Variants in SLFN11 observed in about 807,000 individuals in gnomAD.
SLFN11 encodes schlafen family member 11.
In SLFN11, 43 loss-of-function variants were observed where a neutral mutation model predicts 53.4. The observed-to-expected ratio is 0.80, with a 90% confidence interval of 0.63 to 1.04. The LOEUF is 1.04. Ranked by LOEUF, SLFN11 falls within the 50% of genes least tolerant of loss-of-function variation. The pLI is 0.00. For synonymous variants in SLFN11, 389 were observed against 394.7 expected (o/e 0.99, Z 0.17); for missense variants, 990 against 1,079.1 (o/e 0.92, Z 1.16).
chr17:35,352,514 C>T lies in SLFN11; in HGVS notation c.2548G>A (p.Val850Met), dbSNP rs1189319387. 1 of 1,614,216 alleles carries T rather than the reference C, an allele frequency of 6.2e-7. No individual in the cohort carries two copies. Among genetic ancestry groups the T allele is most frequent in the Admixed American group, 1.7e-5 (1 of 60,030 alleles). Reference protein sequence around the residue: ...DACDMLGDHIVLDSVRRFSGL... With the variant: ...DACDMLGDHIMLDSVRRFSGL... Reference sequence around the variant, plus strand: ...GAGAATCGCCGAACACTGTCCAACACAATGTGATCACCCAACATATCACAT... The same window carrying T: ...GAGAATCGCCGAACACTGTCCAACATAATGTGATCACCCAACATATCACAT... Residue 850 changes from valine (V) to methionine (M), a missense_variant, in exon 7 of 7, where the codon GTG becomes ATG. Physicochemically the swap from Val to Met is conservative, Grantham distance 21. This residue lies in a region of SLFN11 where 313 missense variants were observed against 320.9 expected (regional missense o/e 0.98). Transcript: ENST00000685675.
At chr17:35,369,357 C>A (rs1909360503) in intron 1 of SLFN11, among the ~76,000 whole-genome samples, 1 of 152,060 alleles carries the variant, frequency 6.6e-6, no homozygotes. Context: ...GTGTTGGCCA[C>A]AGGGTCATCT....
Position 35,360,372 on chromosome 17 carries a change from C to G in SLFN11, c.1070-1G>C, listed in dbSNP as rs1908050322. On this transcript the variant is annotated splice_acceptor_variant, in intron 4 of 6. Coordinates refer to ENST00000685675, the MANE Select transcript of SLFN11 (RefSeq NM_001376007.1). LOFTEE classifies it high-confidence loss of function. The stretch of plus-strand genomic sequence containing the variant: ...AAATCTTCAGACAACTGTAGAAGAT[C>G]TTAAGAAAGAAAATTCATGTTATTC... 14 of 1,596,260 alleles carry G rather than the reference C, an allele frequency of 8.8e-6. No homozygotes were observed. The East Asian group carries it at 3.2e-4, about 36-fold the overall frequency.
In SLFN11 at chr17:35,353,437, G is replaced by C. The variant is rs749454545; in HGVS notation, c.1821C>G (p.Ile607Met). Residue 607 changes from isoleucine to methionine, a missense_variant, in exon 6 of 7, where the codon ATC becomes ATG. This residue lies in a region of SLFN11 where 156 missense variants were observed against 241.9 expected (regional missense o/e 0.64). Coordinates refer to ENST00000685675, the MANE Select transcript of SLFN11 (RefSeq NM_001376007.1). ...TCTTCTCCATGATCTTCATGGCCAT[G>C]ATGGTCTTCCCTGAGCCAGGTAAGC... ...VHGLPGSGKT[I>M]MAMKIMEKIR... The C allele has an allele frequency of 4.3e-5, 69 of 1,606,918 alleles. No individual in the cohort carries two copies. The highest frequency in any genetic ancestry group is 5.6e-5 in the Non-Finnish European group (66 of 1,177,172).
chr17:35,350,421 C>T lies in SLFN11; in HGVS notation c.*1935G>A, dbSNP rs1906538929. The T allele has an allele frequency of 6.6e-6, 1 of 151,996 alleles. No individual in the cohort carries two copies. The highest frequency in any genetic ancestry group is 6.6e-5 in the Admixed American group (1 of 15,256). The allele number at this position is 151,996 out of a possible 1,614,324, so 9.4% of individuals were successfully genotyped here. A position where few individuals can be genotyped will look rare whatever the true frequency, so the allele number is the denominator to read the frequency against. ...ACAAATATCAGTAATCCTCTTTGTTCTAAACAAAAATTCATAATTATTTAT... is the reference window on the plus strand; with the variant it reads ...ACAAATATCAGTAATCCTCTTTGTTTTAAACAAAAATTCATAATTATTTAT... On this transcript the variant is annotated 3_prime_UTR_variant, in exon 7 of 7. Transcript: ENST00000685675.
intron 1 of SLFN11, among the ~76,000 whole-genome samples, chr17:35,369,736 A>C (rs1260676382): frequency 7.9e-5 from 12 of 152,164 alleles, no homozygotes; most frequent in Admixed American, 7.9e-4. Context: ...GGCTACTATG[A>C]GCAACTGTAT....
chr17:35,357,645 C>G (rs2141945907), intron 5 of SLFN11, among the ~76,000 whole-genome samples: 1 of 148,460 alleles, frequency 6.7e-6, no homozygotes, highest in Middle Eastern at 3.6e-3. Flanking sequence ...ATTTCCAGAT[C>G]CTACATTCTG....
At position 35,352,790 on chromosome 17, in the gene SLFN11, T is replaced by TG; in HGVS notation, c.2271dup (p.Thr758HisfsTer9). ...TCAGGAAATACCTCGAGGCACCCAGTGGGGATGTTAAATGAAGGATTACTT... is the reference window on the plus strand; with the variant it reads ...TCAGGAAATACCTCGAGGCACCCAGTGGGGGATGTTAAATGAAGGATTACTT... On this transcript the variant is annotated frameshift_variant, in exon 7 of 7. Transcript: ENST00000685675. LOFTEE classifies it low-confidence loss of function (END_TRUNC). 1 of 1,614,180 alleles carries TG rather than the reference T, an allele frequency of 6.2e-7. No homozygotes were observed. The highest frequency in any genetic ancestry group is 8.5e-7 in the Non-Finnish European group (1 of 1,180,030).
chr17:35,357,837 A>C (rs1405777942), intron 5 of SLFN11, among the ~76,000 whole-genome samples: 1 of 145,274 alleles, frequency 6.9e-6, no homozygotes, highest in African/African-American at 2.5e-5. Flanking sequence ...AAATAATAAA[A>C]TTAAAAATAT....
intron 5 of SLFN11, 126 bp downstream of exon 5, chr17:35,360,117 A>G (rs1444564101): frequency 1.0e-6 from 1 of 980,076 alleles, no homozygotes; most frequent in African/African-American, 1.7e-5. Context: ...GGATTGTAAC[A>G]TCATCACGTC....
At position 35,351,391 on chromosome 17, in the gene SLFN11, C is replaced by A. The variant is rs969545922; in HGVS notation, c.*965G>T. 6.6e-6 allele frequency: 1 copy of A among 151,956 alleles called. No homozygotes were observed. 9.4% of individuals were successfully genotyped at this position (151,956 alleles called of 1,614,324 possible). A position where few individuals can be genotyped will look rare whatever the true frequency, so the allele number is the denominator to read the frequency against. On this transcript the variant is annotated 3_prime_UTR_variant, in exon 7 of 7. Transcript: ENST00000685675. ...GAATTTGGGGGTGAAGGGTGGGACA[C>A]AAACATTCAGTCCATAACAATGGCC...
intron 5 of SLFN11, among the ~76,000 whole-genome samples, chr17:35,358,896 T>TG (rs1400910123): frequency 3.9e-5 from 6 of 152,090 alleles, no homozygotes; most frequent in Non-Finnish European, 5.9e-5. Context: ...CTCATGCCTA[T>TG]AGTCTTAGCT....
At chr17:35,364,825 T>A (rs1908755004) in intron 3 of SLFN11, among the ~76,000 whole-genome samples, 1 of 152,158 alleles carries the variant, frequency 6.6e-6, no homozygotes, top group Non-Finnish European at 1.5e-5. Context: ...ATATTAATTG[T>A]CCATTTCACA....
chr17:35,360,533 T>C (rs539711692), intron 4 of SLFN11, among the ~76,000 whole-genome samples, 162 bp from the exon 5 acceptor site: 2 of 152,168 alleles, frequency 1.3e-5, no homozygotes, highest in Admixed American at 1.3e-4. Context: ...GTGCCTTTAT[T>C]GCATATCAAG....
At chr17:35,360,408 A>G in intron 4 of SLFN11, 37 bp from the exon 5 acceptor site, 1 of 1,573,682 alleles carries the variant, frequency 6.4e-7, no homozygotes, top group Non-Finnish European at 8.6e-7. Flanking sequence ...TGACGTGTTA[A>G]TCTCTTCATA....
chr17:35,360,511 T>C (rs62079546), intron 4 of SLFN11, 140 bp from the exon 5 acceptor site: 25,396 of 835,226 alleles, frequency 0.03, 487 homozygotes, highest in South Asian at 0.046. Flanking sequence ...CTCACTCACT[T>C]ACTCTAGATA....
chr17:35,360,039 C>A (rs1043037157), intron 5 of SLFN11: 1 of 498,564 alleles, frequency 2.0e-6, no homozygotes, highest in East Asian at 3.8e-5. Context: ...TTCCTGGATT[C>A]TATGTGTGGT....
rs1194112591 is a variant in SLFN11, at chr17:35,353,423, A to G, written c.1835T>C (p.Ile612Thr). The change falls in exon 6 of 7, where the codon ATC becomes ACC. Residue 612 changes from isoleucine (I) to threonine (T), a missense_variant. Coordinates refer to ENST00000685675, the MANE Select transcript of SLFN11 (RefSeq NM_001376007.1). ...AAACACATTCCTGATCTTCTCCATG[A>G]TCTTCATGGCCATGATGGTCTTCCC... ...GSGKTIMAMK[I>T]MEKIRNVFHC... 1 of 1,608,052 alleles carries G rather than the reference A, an allele frequency of 6.2e-7. No homozygotes were observed. The highest frequency in any genetic ancestry group is 1.7e-5 in the Admixed American group (1 of 59,310).
chr17:35,357,659 C>G (rs1405526868), intron 5 of SLFN11, among the ~76,000 whole-genome samples: 1 of 147,428 alleles, frequency 6.8e-6, no homozygotes, highest in East Asian at 1.9e-4. Context: ...CATTCTGTAA[C>G]TTTGGTCTAA....
At chr17:35,367,795 T>C (rs1909152818) in intron 1 of SLFN11, 95 bp from the exon 2 acceptor site, 1 of 152,200 alleles carries the variant, frequency 6.6e-6, no homozygotes, top group African/African-American at 2.4e-5. Flanking sequence ...ACGGTTTCCA[T>C]TTATTAGCTG....
Sources: allele counts gnomAD v4.1 joint callset (sites outside exome capture counted in the v4.1 genomes callset), GRCh38; gene constraint gnomAD v4.1.1; regional missense constraint gnomAD v4.1.1; transcripts MANE v1.5; gene names NCBI Gene and HGNC (gene_info 2026-07-23, HGNC 2026-07-21).